Variants in ARPC3 observed in about 807,000 individuals in gnomAD.
ARPC3 encodes actin related protein 2/3 complex subunit 3, also known as actin-related protein 2/3 complex subunit 3.
ARPC3 carries 12 observed loss-of-function variants against 27.6 expected under a neutral mutation model. That is an observed-to-expected ratio of 0.43 (90% CI 0.28 to 0.70). The LOEUF (loss-of-function observed/expected upper bound fraction) is 0.70. ARPC3 is among the 30% of genes least tolerant of loss of function. ARPC3 has a pLI of 0.17. For synonymous variants in ARPC3, 53 were observed against 67.2 expected, an observed-to-expected ratio of 0.79 and a Z score of 1.03; for missense variants, 153 against 207.7, an observed-to-expected ratio of 0.74 and a Z score of 1.62.
intron 1 of ARPC3, among the ~76,000 whole-genome samples, chr12:110,446,384 G>A (rs1466259059): frequency 1.3e-5 from 2 of 148,752 alleles, no homozygotes. Flanking sequence ...TGCAACCTCC[G>A]CCTCCCGGGT....
At position 110,450,322 on chromosome 12, in the gene ARPC3, G is replaced by C. The variant is rs1274876940; in HGVS notation, c.-62C>G. On this transcript the variant is annotated 5_prime_UTR_variant, in exon 1 of 7. Transcript: ENST00000228825. ...ATCCAGGTACAGCGGAGCGCTTCCG[G>C]TCTGGCAGCCTGGGCGAGGTAGGCG... 1.2e-6 allele frequency: 2 copies of C among 1,611,770 alleles called. No individual in the cohort carries two copies. The highest frequency in any genetic ancestry group is 1.7e-6 in the Non-Finnish European group (2 of 1,178,560).
At position 110,436,685 on chromosome 12, in the gene ARPC3, T is replaced by C; in HGVS notation, c.253-2A>G. On this transcript the variant is annotated splice_acceptor_variant, in intron 4 of 6. Coordinates refer to ENST00000228825, the MANE Select transcript of ARPC3 (RefSeq NM_001278556.2). LOFTEE classifies it high-confidence loss of function. ...CTCACCTTGGCTTTTGGAATTGCAC[T>C]GGAAAAAAAAATATATATATATATA... 7.4e-7 allele frequency: 1 copy of C among 1,355,300 alleles called. No homozygotes were observed. The highest frequency in any genetic ancestry group is 1.0e-6 in the Non-Finnish European group (1 of 1,002,986). The allele number at this position is 1,355,300 out of a possible 1,614,324, so 84.0% of individuals were successfully genotyped here. A position where few individuals can be genotyped will look rare whatever the true frequency, so the allele number is the denominator to read the frequency against.
At chr12:110,435,621 C>T (rs1029150176) in intron 6 of ARPC3, among the ~76,000 whole-genome samples, 10 of 151,882 alleles carry the variant, frequency 6.6e-5, no homozygotes, top group African/African-American at 2.2e-4. Context: ...TGAGCCACCG[C>T]GCCTGGCCAT....
chr12:110,439,893 A>G (rs2062426746), intron 3 of ARPC3, among the ~76,000 whole-genome samples: 2 of 152,210 alleles, frequency 1.3e-5, no homozygotes, highest in African/African-American at 2.4e-5. Flanking sequence ...GAATAAATAA[A>G]GATACTTCTA....
chr12:110,440,596 G>C, intron 2 of ARPC3: 1 of 472,742 alleles, frequency 2.1e-6, no homozygotes, highest in South Asian at 2.1e-5. Context: ...ACCCAGGCTG[G>C]AGTGCAGTGG....
chr12:110,436,531 G>A, intron 5 of ARPC3, 26 bp downstream of exon 5: 1 of 1,613,722 alleles, frequency 6.2e-7, no homozygotes, highest in South Asian at 1.1e-5. Context: ...TTGTGTCACA[G>A]AGTGAGGATA....
chr12:110,445,386 T>C, intron 2 of ARPC3, 66 bp downstream of exon 2: 2 of 1,260,110 alleles, frequency 1.6e-6, no homozygotes, highest in South Asian at 2.4e-5. Context: ...TTTTTCTGAT[T>C]TGATCATTTC....
chr12:110,438,870 C>T (rs1010426739), intron 3 of ARPC3, among the ~76,000 whole-genome samples: 4 of 149,658 alleles, frequency 2.7e-5, no homozygotes, highest in South Asian at 4.3e-4. Context: ...CTCAAGCTCC[C>T]GACCTCAGGT....
In ARPC3 at chr12:110,450,336, G is replaced by C; in HGVS notation, c.-76C>G. On this transcript the variant is annotated 5_prime_UTR_variant, in exon 1 of 7. Transcript: ENST00000228825. ...GAGCGCTTCCGGTCTGGCAGCCTGGGCGAGGTAGGCGGAAGCGAAACGGAA... is the reference window on the plus strand; with the variant it reads ...GAGCGCTTCCGGTCTGGCAGCCTGGCCGAGGTAGGCGGAAGCGAAACGGAA... 1 of 1,598,216 alleles carries C rather than the reference G, an allele frequency of 6.3e-7. No homozygotes were observed. The highest frequency in any genetic ancestry group is 1.1e-5 in the South Asian group (1 of 90,180).
intron 2 of ARPC3, chr12:110,445,223 C>T (rs1311756393): frequency 9.7e-6 from 5 of 516,372 alleles, no homozygotes; most frequent in Non-Finnish European, 1.7e-5. Context: ...CACATTTCCT[C>T]CATTTTCTCA....
chr12:110,443,638 G>A (rs1011970574), intron 2 of ARPC3, among the ~76,000 whole-genome samples: 3 of 151,862 alleles, frequency 2.0e-5, no homozygotes, highest in African/African-American at 7.3e-5. Flanking sequence ...TCACCATGTT[G>A]GCCAGGCTGG....
Position 110,450,251 on chromosome 12 carries a change from T to C in ARPC3, c.6+4A>G. 6.2e-7 allele frequency: 1 copy of C among 1,614,084 alleles called. No individual in the cohort carries two copies. The highest frequency in any genetic ancestry group is 8.5e-7 in the Non-Finnish European group (1 of 1,179,966). ...TCTCCCCACACCGTGGATCGAACCC[T>C]CACCGGCATCTTGGCGGCGCCCGGG... On this transcript the variant is annotated splice_donor_region_variant and intron_variant, in intron 1 of 6. Transcript: ENST00000228825.
In ARPC3 at chr12:110,434,899, C is replaced by T. The variant is rs1248290885; in HGVS notation, c.*256G>A. 2 of 643,462 alleles carry T rather than the reference C, an allele frequency of 3.1e-6. No homozygotes were observed. The highest frequency in any genetic ancestry group is 4.6e-5 in the Admixed American group (2 of 43,508). The allele number at this position is 643,462 out of a possible 1,614,324, so 39.9% of individuals were successfully genotyped here. ...AAGACTGGCAATAAAGTTTTTCTGA[C>T]ATGGAATGTTAGAAATTTCTTTATT... On this transcript the variant is annotated 3_prime_UTR_variant, in exon 7 of 7. Coordinates refer to ENST00000228825, the MANE Select transcript of ARPC3 (RefSeq NM_001278556.2).
At chr12:110,436,860 A>C in intron 4 of ARPC3, 177 bp from the exon 5 acceptor site, 1 of 671,626 alleles carries the variant, frequency 1.5e-6, no homozygotes, top group Non-Finnish European at 2.5e-6. Context: ...TCTTGAGAAA[A>C]TATATTCAAA....
chr12:110,436,697 T>TATATATATATAC lies in ARPC3; in HGVS notation c.253-15_253-14insGTATATATATAT. The TATATATATATAC allele has an allele frequency of 1.7e-6, 1 of 602,736 alleles. No homozygotes were observed. Among genetic ancestry groups the TATATATATATAC allele is most frequent in the Non-Finnish European group, 2.6e-6 (1 of 383,114 alleles). 37.3% of individuals were successfully genotyped at this position (602,736 alleles called of 1,614,324 possible). Reference sequence around the variant, plus strand: ...TTTGGAATTGCACTGGAAAAAAAAATATATATATATATATACACACACACA... The same window carrying TATATATATATAC: ...TTTGGAATTGCACTGGAAAAAAAAATATATATATATACATATATATATATATACACACACACA... On this transcript the variant is annotated splice_polypyrimidine_tract_variant and intron_variant, in intron 4 of 6. Transcript: ENST00000228825.
chr12:110,438,012 T>A (rs962503886), intron 3 of ARPC3, among the ~76,000 whole-genome samples: 3 of 152,080 alleles, frequency 2.0e-5, no homozygotes, highest in African/African-American at 7.2e-5. Context: ...TACACAAATT[T>A]AGGCCAGGTG....
Position 110,434,925 on chromosome 12 carries a change from ATTAC to A in ARPC3, c.*226_*229del. Reference sequence around the variant, plus strand: ...ATGGAATGTTAGAAATTTCTTTATTATTACTTATTCTTATTAAGCGCCAGCTTTA... The same window carrying A: ...ATGGAATGTTAGAAATTTCTTTATTATTATTCTTATTAAGCGCCAGCTTTA... On this transcript the variant is annotated 3_prime_UTR_variant, in exon 7 of 7. Coordinates refer to ENST00000228825, the MANE Select transcript of ARPC3 (RefSeq NM_001278556.2). 4.4e-6 allele frequency: 3 copies of A among 685,108 alleles called. No homozygotes were observed. Among genetic ancestry groups the A allele is most frequent in the Admixed American group, 2.1e-5 (1 of 47,416 alleles). 42.4% of individuals were successfully genotyped at this position (685,108 alleles called of 1,614,324 possible).
chr12:110,437,171 G>A lies in ARPC3; in HGVS notation c.184-19C>T. ...CTTCATTCTACAGGGAGAAAAAGAA[G>A]ACTTAAAAACAGTTATCAAAACATA... On this transcript the variant is annotated intron_variant, in intron 3 of 6. Transcript: ENST00000228825. The A allele has an allele frequency of 2.7e-6, 4 of 1,508,388 alleles. No individual in the cohort carries two copies. Among genetic ancestry groups the A allele is most frequent in the Non-Finnish European group, 3.7e-6 (4 of 1,085,572 alleles). The allele number at this position is 1,508,388 out of a possible 1,614,324, so 93.4% of individuals were successfully genotyped here.
chr12:110,442,605 C>T (rs1387431137), intron 2 of ARPC3: 1 of 151,432 alleles, frequency 6.6e-6, no homozygotes, highest in Non-Finnish European at 1.5e-5. Context: ...GAGACTCCAT[C>T]TCAAAAAAGT....
Sources: allele counts gnomAD v4.1 joint callset (sites outside exome capture counted in the v4.1 genomes callset), GRCh38; gene constraint gnomAD v4.1.1; transcripts MANE v1.5; gene names NCBI Gene and HGNC (gene_info 2026-07-23, HGNC 2026-07-21).